ACTR3C: variants seen among roughly 807,000 people sequenced by gnomAD.
ACTR3C encodes actin related protein 3C.
ACTR3C carries 18 observed loss-of-function variants against 26.3 expected under a neutral mutation model. The ratio of observed to expected loss-of-function variants is 0.68; its 90% CI spans 0.47 to 1.01. The LOEUF (loss-of-function observed/expected upper bound fraction) is 1.01. Ranked by LOEUF, ACTR3C falls within the 50% of genes least tolerant of loss-of-function variation. The pLI is 0.00. For missense variants in ACTR3C, 184 were observed against 250.7 expected, an observed-to-expected ratio of 0.73 and a Z score of 1.80; for synonymous variants, 55 against 94.5, an observed-to-expected ratio of 0.58 and a Z score of 2.42.
the ACTR3C span, among the ~76,000 whole-genome samples, chr7:150,078,451 A>G: frequency 4.0e-5 from 6 of 149,536 alleles, no homozygotes; most frequent in African/African-American, 1.5e-4. Flanking sequence ...AATAATTATA[A>G]ATGAAATTAG....
chr7:150,141,983 T>C, the ACTR3C span, among the ~76,000 whole-genome samples: 2 of 152,160 alleles, frequency 1.3e-5, no homozygotes, highest in African/African-American at 4.8e-5. Context: ...CTGATTTTGT[T>C]GTAGTGTCTG....
downstream of ACTR3C, among the ~76,000 whole-genome samples, chr7:150,243,742 C>T (rs4015650): frequency 1.3e-5 from 2 of 151,808 alleles, no homozygotes; most frequent in South Asian, 2.1e-4. Context: ...GTTGTTATGC[C>T]GGATTGTTTA....
At chr7:150,037,921 A>T in the ACTR3C span, among the ~76,000 whole-genome samples, 1 of 118,400 alleles carries the variant, frequency 8.4e-6, no homozygotes, top group South Asian at 2.7e-4. Flanking sequence ...CCGCGTCGCG[A>T]GGGGTGCCTC....
chr7:150,294,758 A>C (rs1836591630), intron 2 of ACTR3C, among the ~76,000 whole-genome samples: 1 of 151,812 alleles, frequency 6.6e-6, no homozygotes, highest in Admixed American at 6.6e-5. Context: ...ATTCCCTTAC[A>C]TAAGGTGGCA....
the ACTR3C span, among the ~76,000 whole-genome samples, chr7:149,902,126 G>A: frequency 1.3e-5 from 2 of 151,960 alleles, no homozygotes; most frequent in African/African-American, 2.4e-5. Context: ...AGATACTTTA[G>A]AACATTTGCT....
At chr7:150,185,276 CGT>C in the ACTR3C span, among the ~76,000 whole-genome samples, 23,784 of 140,008 alleles carry the variant, frequency 0.17, 864 homozygotes, top group Middle Eastern at 0.24. Flanking sequence ...AAATGTCAGG[CGT>C]GTGTGTGTGT....
chr7:150,039,640 A>G, the ACTR3C span, among the ~76,000 whole-genome samples: 11 of 136,620 alleles, frequency 8.1e-5, no homozygotes, highest in Admixed American at 1.5e-4. Context: ...ACTAACACCC[A>G]CAGTCCTCCA....
chr7:149,948,802 G>A, the ACTR3C span, among the ~76,000 whole-genome samples: 1 of 151,890 alleles, frequency 6.6e-6, no homozygotes. Context: ...TCAGCTACCA[G>A]GACACCTTCA....
At chr7:149,924,465 TA>T in the ACTR3C span, among the ~76,000 whole-genome samples, 1 of 152,096 alleles carries the variant, frequency 6.6e-6, no homozygotes, top group Non-Finnish European at 1.5e-5. Context: ...ACTATCCCAC[TA>T]AAAATCAGGA....
At chr7:150,278,476 C>T (rs1398306445) in intron 6 of ACTR3C, among the ~76,000 whole-genome samples, 1 of 152,228 alleles carries the variant, frequency 6.6e-6, no homozygotes, top group Non-Finnish European at 1.5e-5. Flanking sequence ...CACGGAGGCC[C>T]ACCCTGGGCT....
chr7:149,910,664 G>A, the ACTR3C span, among the ~76,000 whole-genome samples: 1 of 151,998 alleles, frequency 6.6e-6, no homozygotes, highest in African/African-American at 2.4e-5. Flanking sequence ...CACTAGCAGT[G>A]TTGAAACTAA....
At chr7:149,985,015 C>T in the ACTR3C span, among the ~76,000 whole-genome samples, 1 of 152,218 alleles carries the variant, frequency 6.6e-6, no homozygotes, top group South Asian at 2.1e-4. Flanking sequence ...AACATTACCA[C>T]TAATAATAGA....
At chr7:149,959,091 C>T in the ACTR3C span, among the ~76,000 whole-genome samples, 4 of 152,328 alleles carry the variant, frequency 2.6e-5, no homozygotes, top group East Asian at 3.9e-4. Context: ...CATGTTGGCT[C>T]GGTGCCCTGT....
chr7:149,902,293 T>G, the ACTR3C span, among the ~76,000 whole-genome samples: 1 of 150,692 alleles, frequency 6.6e-6, no homozygotes, highest in Non-Finnish European at 1.5e-5. Context: ...AAACTCATTT[T>G]ATGAAGCCCA....
At chr7:150,112,495 C>A in the ACTR3C span, among the ~76,000 whole-genome samples, 5 of 152,202 alleles carry the variant, frequency 3.3e-5, no homozygotes, top group Admixed American at 6.5e-5. Flanking sequence ...CCATTGCCAT[C>A]CACACACCCC....
At chr7:150,076,993 T>C in the ACTR3C span, among the ~76,000 whole-genome samples, 2 of 151,986 alleles carry the variant, frequency 1.3e-5, no homozygotes, top group African/African-American at 4.8e-5. Context: ...GGTGAAACCC[T>C]GTCTGTATTA....
the ACTR3C span, among the ~76,000 whole-genome samples, chr7:150,213,987 C>A: frequency 1.4e-5 from 2 of 145,496 alleles, no homozygotes; most frequent in African/African-American, 5.1e-5. Flanking sequence ...AACTAGGCAG[C>A]CTCCAAATCT....
intron 6 of ACTR3C, among the ~76,000 whole-genome samples, chr7:150,254,537 G>A (rs1036191212): frequency 3.9e-5 from 6 of 152,068 alleles, no homozygotes; most frequent in Non-Finnish European, 8.8e-5. Flanking sequence ...ATCAAAGAGC[G>A]AAACTTACCA....
chr7:149,967,330 T>C, the ACTR3C span, among the ~76,000 whole-genome samples: 37 of 152,180 alleles, frequency 2.4e-4, no homozygotes, highest in South Asian at 4.4e-3. Flanking sequence ...CCACGGTGCC[T>C]GGCCGCTAAT....
Sources: allele counts gnomAD v4.1 joint callset (sites outside exome capture counted in the v4.1 genomes callset), GRCh38; gene constraint gnomAD v4.1.1; transcripts MANE v1.5; gene names NCBI Gene and HGNC (gene_info 2026-07-23, HGNC 2026-07-21).